SUMF1: variants seen among roughly 807,000 people sequenced by gnomAD.
SUMF1 encodes the protein formylglycine-generating enzyme.
In SUMF1, 48 loss-of-function variants were observed where a neutral mutation model predicts 47.6. The ratio of observed to expected loss-of-function variants is 1.01; its 90% CI spans 0.80 to 1.28. SUMF1 has a LOEUF of 1.28. Among genes scored for constraint, SUMF1 ranks in the 50% most tolerant of loss-of-function variants. The probability of loss-of-function intolerance (pLI) is 0.00; values close to 1 mark genes in which losing one functional copy is unlikely to be tolerated. For missense variants in SUMF1, 571 were observed against 485.4 expected (o/e 1.18, Z -1.66); for synonymous variants, 230 against 192.1 (o/e 1.20, Z -1.63).
intron 8 of SUMF1, among the ~76,000 whole-genome samples, chr3:4,355,721 G>C (rs1699603439): frequency 6.6e-6 from 1 of 152,186 alleles, no homozygotes; most frequent in Non-Finnish European, 1.5e-5. Context: ...AGAAAACAAG[G>C]GGTTTGTCAA....
intron 8 of SUMF1, among the ~76,000 whole-genome samples, chr3:4,371,678 CAAT>C (rs1258459290): frequency 2.0e-5 from 3 of 152,164 alleles, no homozygotes; most frequent in East Asian, 1.9e-4. Flanking sequence ...ACATCAACAA[CAAT>C]GAGTATTTCT....
chr3:4,451,299 T>C (rs1227829349), intron 2 of SUMF1, among the ~76,000 whole-genome samples: 1 of 152,130 alleles, frequency 6.6e-6, no homozygotes, highest in Non-Finnish European at 1.5e-5. Context: ...TGATTAAAAA[T>C]GTCTGTGATT....
At chr3:4,372,541 T>C (rs1167634095) in intron 8 of SUMF1, among the ~76,000 whole-genome samples, 2 of 152,210 alleles carry the variant, frequency 1.3e-5, no homozygotes, top group African/African-American at 4.8e-5. Context: ...CTAATTATAA[T>C]AAAGATGATG....
At chr3:4,229,883 T>C (rs1446784362) in intron 8 of SUMF1, among the ~76,000 whole-genome samples, 2 of 151,950 alleles carry the variant, frequency 1.3e-5, no homozygotes, top group Non-Finnish European at 2.9e-5. Flanking sequence ...CAAGGTGGCA[T>C]GCACCTAGAG....
At chr3:4,444,911 G>C (rs951238310) in intron 3 of SUMF1, among the ~76,000 whole-genome samples, 1 of 152,310 alleles carries the variant, frequency 6.6e-6, no homozygotes, top group East Asian at 1.9e-4. Flanking sequence ...AGGATGAGGG[G>C]TAGGGGAGGG....
rs535006818 is a variant in SUMF1 at position 4,259,962 on chromosome 3, T to A, written c.1014+116368A>T. On this transcript the variant is annotated intron_variant and NMD_transcript_variant, in intron 8 of 12. Coordinates refer to the SUMF1 transcript ENST00000448413. Reference sequence around the variant, plus strand: ...CTCAGAGGAGAAGTTATAGTTGTCGTGAGTTAGAAAGTCCTCTCAAATATC... The same window carrying A: ...CTCAGAGGAGAAGTTATAGTTGTCGAGAGTTAGAAAGTCCTCTCAAATATC... Among the ~76,000 whole-genome samples the A allele has an allele frequency of 2.0e-5, 3 of 151,870 alleles. No individual in the cohort carries two copies. In the East Asian group the frequency reaches 5.8e-4, roughly 29 times the overall value.
chr3:4,129,705 G>C (rs769673671), intron 8 of SUMF1, among the ~76,000 whole-genome samples: 3 of 152,118 alleles, frequency 2.0e-5, no homozygotes, highest in Non-Finnish European at 4.4e-5. Context: ...TCAGACATTT[G>C]GGGAAATACT....
chr3:4,131,744 C>T (rs981832492), intron 8 of SUMF1, among the ~76,000 whole-genome samples: 12 of 152,088 alleles, frequency 7.9e-5, no homozygotes, highest in Non-Finnish European at 1.5e-4. Flanking sequence ...TAAAGGTATT[C>T]GTATCCCATG....
chr3:4,337,191 C>A (rs1258615508), intron 8 of SUMF1, among the ~76,000 whole-genome samples: 1 of 33,442 alleles, frequency 3.0e-5, no homozygotes, highest in Non-Finnish European at 6.5e-5. Context: ...CTGTCCCTCC[C>A]TCCCTCCCTC....
intron 8 of SUMF1, among the ~76,000 whole-genome samples, chr3:4,326,409 C>T (rs1698945800): frequency 4.0e-5 from 6 of 151,884 alleles, no homozygotes; most frequent in Admixed American, 3.9e-4. Context: ...CTTGAGGTCC[C>T]AAAATAAATG....
At chr3:4,108,766 C>G (rs1299687295) in intron 8 of SUMF1, among the ~76,000 whole-genome samples, 1 of 151,938 alleles carries the variant, frequency 6.6e-6, no homozygotes, top group Non-Finnish European at 1.5e-5. Flanking sequence ...TTTCTGTTTT[C>G]CATTTGCTTG....
chr3:4,299,323 AG>A (rs1398551331), intron 8 of SUMF1, among the ~76,000 whole-genome samples: 1 of 152,178 alleles, frequency 6.6e-6, no homozygotes, highest in East Asian at 1.9e-4. Context: ...TTCCCACAGA[AG>A]GGGTACACCT....
In SUMF1 at chr3:4,403,618, T is replaced by C. The variant is rs76139337; in HGVS notation, c.954+7247A>G. Reference sequence around the variant, plus strand: ...TTGTCTGTACAAGGCAGAAGGAAGATACATTCTTATTCTCAGCAACAGCAG... The same window carrying C: ...TTGTCTGTACAAGGCAGAAGGAAGACACATTCTTATTCTCAGCAACAGCAG... On this transcript the variant is annotated intron_variant, in intron 7 of 8. Coordinates refer to ENST00000272902, the MANE Select transcript of SUMF1 (RefSeq NM_182760.4). Among the ~76,000 whole-genome samples, 918 of 152,258 alleles carry C rather than the reference T, an allele frequency of 6.0e-3. 8 individuals are homozygous for C. The highest frequency in any genetic ancestry group is 0.021 in the African/African-American group (873 of 41,534).
At chr3:4,395,825 A>G (rs1575171431) in intron 7 of SUMF1, among the ~76,000 whole-genome samples, 1 of 152,218 alleles carries the variant, frequency 6.6e-6, no homozygotes, top group East Asian at 1.9e-4. Flanking sequence ...CTCCTGGAGT[A>G]ATACATGAAA....
chr3:4,450,612 T>A (rs1702936981), intron 2 of SUMF1, among the ~76,000 whole-genome samples: 2 of 152,074 alleles, frequency 1.3e-5, no homozygotes, highest in South Asian at 2.1e-4. Context: ...ATGGCCCCTA[T>A]CCTTATTGTG....
chr3:4,429,883 A>G (rs1024492800), intron 3 of SUMF1, among the ~76,000 whole-genome samples: 6 of 152,198 alleles, frequency 3.9e-5, no homozygotes, highest in African/African-American at 1.4e-4. Context: ...ACACTGCACC[A>G]GTGGCAAGGT....
At chr3:4,242,563 G>C (rs1696564592) in intron 8 of SUMF1, among the ~76,000 whole-genome samples, 1 of 152,204 alleles carries the variant, frequency 6.6e-6, no homozygotes, top group African/African-American at 2.4e-5. Flanking sequence ...CTGTTTATGT[G>C]ATAGATTATG....
downstream of SUMF1, among the ~76,000 whole-genome samples, chr3:4,359,124 C>T (rs888495860): frequency 2.0e-5 from 3 of 152,156 alleles, no homozygotes; most frequent in Admixed American, 6.5e-5. Flanking sequence ...GCATTCAAAC[C>T]GAACTTTTCT....
At chr3:4,211,711 T>C (rs920675619) in intron 8 of SUMF1, among the ~76,000 whole-genome samples, 2 of 152,124 alleles carry the variant, frequency 1.3e-5, no homozygotes, top group Non-Finnish European at 2.9e-5. Flanking sequence ...CACAATTAAA[T>C]ATCACTTCAT....
Sources: gnomAD v4.1 joint callset for allele counts (sites outside exome capture counted in the v4.1 genomes callset) on GRCh38, gnomAD v4.1.1 for gene constraint, MANE v1.5 for transcripts, NCBI Gene and HGNC (gene_info 2026-07-23, HGNC 2026-07-21) for gene names.